Variants in AKAP12 observed in about 807,000 individuals in gnomAD.
The protein encoded by AKAP12 is A-kinase anchor protein 12.
Under a neutral mutation model 79.9 loss-of-function variants are expected in AKAP12, and 32 were observed. The observed-to-expected ratio is 0.40, with a 90% CI of 0.30 to 0.54. AKAP12 has a LOEUF of 0.54. Ranked by LOEUF, AKAP12 falls within the 20% of genes least tolerant of loss-of-function variation. The probability of loss-of-function intolerance (pLI) is 0.48; values close to 1 mark genes in which losing one functional copy is unlikely to be tolerated. For synonymous variants in AKAP12, 808 were observed against 857.0 expected, an observed-to-expected ratio of 0.94 and a Z score of 1.00; for missense variants, 2,074 against 2,177.0, an observed-to-expected ratio of 0.95 and a Z score of 0.94.
intron 3 of AKAP12, chr6:151,324,942 A>T: frequency 2.0e-6 from 2 of 985,448 alleles, no homozygotes; most frequent in Non-Finnish European, 2.4e-6. Context: ...TAGAGATATG[A>T]TAGTGTCTAA....
At chr6:151,294,012 T>C (rs1490882119) in intron 2 of AKAP12, among the ~76,000 whole-genome samples, 2 of 152,016 alleles carry the variant, frequency 1.3e-5, no homozygotes, top group Non-Finnish European at 2.9e-5. Context: ...TCTTGCTCTG[T>C]TGCCGGGCTG....
chr6:151,277,158 G>A (rs1431959427), intron 2 of AKAP12, among the ~76,000 whole-genome samples: 2 of 152,162 alleles, frequency 1.3e-5, no homozygotes, highest in Admixed American at 1.3e-4. Context: ...TCTACACACT[G>A]GGGCTCCAGA....
chr6:151,281,674 C>G (rs1776410209), intron 2 of AKAP12, among the ~76,000 whole-genome samples: 1 of 152,112 alleles, frequency 6.6e-6, no homozygotes, highest in Admixed American at 6.5e-5. Context: ...CGGCTTCATT[C>G]TTTTCTCCAC....
intron 2 of AKAP12, among the ~76,000 whole-genome samples, chr6:151,263,724 A>G (rs1012895009): frequency 7.2e-5 from 11 of 152,124 alleles, no homozygotes; most frequent in Admixed American, 7.2e-4. Flanking sequence ...GATTACAGGC[A>G]TCCGCACCCA....
intron 2 of AKAP12, among the ~76,000 whole-genome samples, chr6:151,296,994 T>C (rs1022738281): frequency 1.1e-4 from 16 of 151,294 alleles, no homozygotes; most frequent in African/African-American, 3.9e-4. Flanking sequence ...GAAAATATAT[T>C]GTATGCCTAG....
At chr6:151,298,102 C>T (rs1231964835) in intron 2 of AKAP12, among the ~76,000 whole-genome samples, 7 of 152,096 alleles carry the variant, frequency 4.6e-5, no homozygotes, top group South Asian at 4.1e-4. Context: ...CTAACCAAGA[C>T]GTTGTATGTG....
At chr6:151,279,736 G>A (rs954542513) in intron 2 of AKAP12, among the ~76,000 whole-genome samples, 1 of 151,986 alleles carries the variant, frequency 6.6e-6, no homozygotes, top group African/African-American at 2.4e-5. Context: ...CCTAGCTACT[G>A]GGGGGAGGCT....
chr6:151,259,022 A>T (rs1414013576), intron 2 of AKAP12, among the ~76,000 whole-genome samples: 2 of 150,464 alleles, frequency 1.3e-5, no homozygotes, highest in Admixed American at 6.7e-5. Context: ...ATATATATAT[A>T]TTTATACAAA....
chr6:151,259,509 TATACACACACACAC>T (rs1427012782), intron 2 of AKAP12, among the ~76,000 whole-genome samples: 8 of 92,060 alleles, frequency 8.7e-5, no homozygotes, highest in African/African-American at 2.8e-4. Flanking sequence ...TGTATATATA[TATACACACACACAC>T]ACACACACAC....
At chr6:151,353,885 C>T (rs1582905511) in intron 4 of AKAP12, 133 bp downstream of exon 4, 5 of 622,494 alleles carry the variant, frequency 8.0e-6, no homozygotes, top group Non-Finnish European at 5.6e-6. Context: ...TAACTATCAA[C>T]TAGATTCAAA....
chr6:151,351,564 G>A lies in AKAP12; in HGVS notation c.3173G>A (p.Gly1058Asp), dbSNP rs143008740. The A allele has an allele frequency of 3.8e-5, 61 of 1,614,016 alleles. No homozygotes were observed. The South Asian group carries it at 5.9e-4, about 16-fold the overall frequency. Reference protein sequence around the residue: ...EKVKEESQLPGTGGPEDVLQP... With the variant: ...EKVKEESQLPDTGGPEDVLQP... ...GTGAAAGAGGAATCCCAGCTGCCTG[G>A]CACCGGTGGGCCAGAAGATGTGCTT... Residue 1058 changes from glycine to aspartate, a missense_variant, in exon 4 of 5, where the codon GGC becomes GAC. Transcript: ENST00000402676. The surrounding 1 kb of genome is among the most constrained non-coding windows in gnomAD (Gnocchi z 4.4).
rs549841173 is a variant in AKAP12 at position 151,346,879 on chromosome 6, ATATT to A, written c.320-1827_320-1824del. ...GAGGATCAAAGTGGAAGTTATATCT[ATATT>A]TATTGACATTTCTTTTTTCCTTAAA... On this transcript the variant is annotated intron_variant, in intron 3 of 4. Transcript: ENST00000402676. Among the ~76,000 whole-genome samples, 33 of 152,182 alleles carry A rather than the reference ATATT, an allele frequency of 2.2e-4. 1 individual carries two copies. The highest frequency in any genetic ancestry group is 4.6e-4 in the Non-Finnish European group (31 of 68,044).
intron 2 of AKAP12, among the ~76,000 whole-genome samples, chr6:151,243,028 G>T (rs146932097): frequency 6.6e-6 from 1 of 152,164 alleles, no homozygotes; most frequent in Non-Finnish European, 1.5e-5. Context: ...CAGTCTGTTC[G>T]GTTATTAATA....
rs542035275 is a variant in AKAP12, at chr6:151,357,613, T to G, written c.*1899T>G. The G allele has an allele frequency of 1.1e-4, 17 of 152,106 alleles. No individual in the cohort carries two copies. The highest frequency in any genetic ancestry group is 3.4e-4 in the African/African-American group (14 of 41,530). 9.4% of individuals were successfully genotyped at this position (152,106 alleles called of 1,614,324 possible). ...ATATAGTCTTGTTTGTAGTTGGAAG[T>G]CATCTTTTAGGAGTTATTCTCAAAT... is the stretch of plus-strand genomic sequence containing the variant. On this transcript the variant is annotated 3_prime_UTR_variant, in exon 5 of 5. Coordinates refer to ENST00000402676, the MANE Select transcript of AKAP12 (RefSeq NM_005100.4).
chr6:151,253,807 A>G (rs1169768648), intron 2 of AKAP12, among the ~76,000 whole-genome samples: 1 of 152,064 alleles, frequency 6.6e-6, no homozygotes, highest in Non-Finnish European at 1.5e-5. Context: ...CCTGGGTTCA[A>G]ACAATTCTCT....
At chr6:151,250,575 A>G (rs560233650) in intron 2 of AKAP12, among the ~76,000 whole-genome samples, 2 of 151,860 alleles carry the variant, frequency 1.3e-5, no homozygotes, top group East Asian at 3.9e-4. Flanking sequence ...TTTTCTTGGT[A>G]TGTAATAGCA....
At chr6:151,256,018 G>C (rs1480297844) in intron 2 of AKAP12, among the ~76,000 whole-genome samples, 7 of 152,080 alleles carry the variant, frequency 4.6e-5, no homozygotes, top group Non-Finnish European at 7.3e-5. Flanking sequence ...TTGCATCCAA[G>C]TGCTGGACAA....
intron 2 of AKAP12, among the ~76,000 whole-genome samples, chr6:151,256,565 A>C (rs1306916130): frequency 1.3e-5 from 2 of 152,076 alleles, no homozygotes; most frequent in Non-Finnish European, 2.9e-5. Context: ...AAAGGGTGGA[A>C]TTTCATTTTC....
intron 3 of AKAP12, among the ~76,000 whole-genome samples, chr6:151,319,332 C>T (rs78859390): frequency 0.035 from 5,275 of 151,562 alleles, 160 homozygotes; most frequent in African/African-American, 0.079. Flanking sequence ...AGAGAGCCTG[C>T]CCATCCTGTA....
Sources: allele counts gnomAD v4.1 joint callset (sites outside exome capture counted in the v4.1 genomes callset), GRCh38; gene constraint gnomAD v4.1.1; non-coding constraint Gnocchi (gnomAD v3.1); transcripts MANE v1.5; gene names NCBI Gene and HGNC (gene_info 2026-07-23, HGNC 2026-07-21).